Variants in EEIG1 observed in about 807,000 individuals in gnomAD.
EEIG1 encodes the protein early estrogen-induced gene 1 protein.
chr9:127,961,357 G>T, the EEIG1 span, among the ~76,000 whole-genome samples: 1 of 152,210 alleles, frequency 6.6e-6, no homozygotes, highest in Non-Finnish European at 1.5e-5. Flanking sequence ...CAGGCAGGGT[G>T]GGGTAAGGGA....
At chr9:127,943,447 C>T in the EEIG1 span, 5 of 592,104 alleles carry the variant, frequency 8.4e-6, no homozygotes, top group Non-Finnish European at 1.2e-5. Flanking sequence ...CCTGCAGAGC[C>T]CTTCCGGGCA....
the EEIG1 span, among the ~76,000 whole-genome samples, chr9:127,963,934 G>A: frequency 6.6e-6 from 1 of 152,216 alleles, no homozygotes; most frequent in South Asian, 2.1e-4. Context: ...CAGGCTGGGG[G>A]CAGGAGGCCG....
At chr9:127,943,103 G>C in the EEIG1 span, 1 of 1,219,678 alleles carries the variant, frequency 8.2e-7, no homozygotes, top group East Asian at 2.3e-5. Context: ...TGGCGCAGAG[G>C]TGATCTGAAG....
the EEIG1 span, among the ~76,000 whole-genome samples, chr9:127,947,013 C>T: frequency 6.6e-6 from 1 of 152,138 alleles, no homozygotes; most frequent in East Asian, 1.9e-4. Flanking sequence ...AGCCTCCTGT[C>T]CTGGCAACAC....
the EEIG1 span, among the ~76,000 whole-genome samples, chr9:127,954,871 C>G: frequency 6.6e-6 from 1 of 152,218 alleles, no homozygotes; most frequent in African/African-American, 2.4e-5. Context: ...AAATTCAGCA[C>G]CCCTCTACTG....
At chr9:127,955,347 G>A in the EEIG1 span, among the ~76,000 whole-genome samples, 110 of 152,336 alleles carry the variant, frequency 7.2e-4, no homozygotes, top group Middle Eastern at 3.4e-3. Flanking sequence ...CACCCTACCC[G>A]CCACTCGAGC....
chr9:127,977,400 G>A, the EEIG1 span, among the ~76,000 whole-genome samples: 138 of 152,378 alleles, frequency 9.1e-4, no homozygotes, highest in Non-Finnish European at 1.6e-3. Flanking sequence ...GCAATGGAAA[G>A]GCCAACAGGT....
the EEIG1 span, among the ~76,000 whole-genome samples, chr9:127,961,279 C>A: frequency 3.7e-5 from 1 of 27,168 alleles, no homozygotes; most frequent in African/African-American, 6.8e-5. Flanking sequence ...CACCCCCAGG[C>A]AGGTGGCATG....
chr9:127,970,531 G>C, the EEIG1 span, among the ~76,000 whole-genome samples: 37 of 152,258 alleles, frequency 2.4e-4, no homozygotes, highest in African/African-American at 8.2e-4. Flanking sequence ...AGTATGCCTC[G>C]GGTTTTGTTT....
At chr9:127,958,210 A>G in the EEIG1 span, among the ~76,000 whole-genome samples, 2 of 152,208 alleles carry the variant, frequency 1.3e-5, no homozygotes, top group Non-Finnish European at 2.9e-5. Context: ...ATTAACTGAA[A>G]ATGGATCAAA....
chr9:127,977,445 C>G, the EEIG1 span, among the ~76,000 whole-genome samples: 11 of 152,220 alleles, frequency 7.2e-5, no homozygotes, highest in Non-Finnish European at 1.5e-5. Context: ...GGAGGCCAGG[C>G]AAGTCCTCAG....
At chr9:127,980,215 C>T in the EEIG1 span, 1 of 1,452,892 alleles carries the variant, frequency 6.9e-7, no homozygotes, top group South Asian at 1.3e-5. Context: ...TACACCACAC[C>T]CCCTCCTCAA....
At chr9:127,953,822 G>A in the EEIG1 span, 3 of 1,613,982 alleles carry the variant, frequency 1.9e-6, no homozygotes, top group Non-Finnish European at 8.5e-7. Flanking sequence ...ACAGACACAC[G>A]GAAGACACAG....
At chr9:127,978,602 C>CG in the EEIG1 span, among the ~76,000 whole-genome samples, 9 of 144,886 alleles carry the variant, frequency 6.2e-5, no homozygotes, top group Admixed American at 6.4e-4. Context: ...GGCCAGGGGG[C>CG]GGGGTGCGGG....
At chr9:127,951,901 A>G in the EEIG1 span, among the ~76,000 whole-genome samples, 5 of 152,096 alleles carry the variant, frequency 3.3e-5, no homozygotes, top group Non-Finnish European at 2.9e-5. Flanking sequence ...AACCCAACAG[A>G]GACAGGACTG....
At chr9:127,968,793 T>C in the EEIG1 span, among the ~76,000 whole-genome samples, 1 of 152,166 alleles carries the variant, frequency 6.6e-6, no homozygotes, top group East Asian at 1.9e-4. Context: ...CCTGTTTTCC[T>C]AGCTGTCTTC....
the EEIG1 span, chr9:127,947,924 G>T: frequency 3.3e-6 from 3 of 898,418 alleles, no homozygotes; most frequent in African/African-American, 3.3e-5. Flanking sequence ...AAGGTGATCA[G>T]GTCTCATCAG....
the EEIG1 span, chr9:127,948,050 C>T: frequency 6.8e-3 from 10,906 of 1,600,052 alleles, 124 homozygotes; most frequent in South Asian, 0.018. Context: ...AGGGGAGGGG[C>T]GGACAGATGA....
chr9:127,973,744 C>T, the EEIG1 span, among the ~76,000 whole-genome samples: 1 of 152,320 alleles, frequency 6.6e-6, no homozygotes, highest in Non-Finnish European at 1.5e-5. This position sits in a 1 kb window ranked among gnomAD's most constrained non-coding sequence, Gnocchi z 4.2. Flanking sequence ...GCCCTGCCCA[C>T]TTCTGCCAGC....
Sources: gnomAD v4.1 joint callset for allele counts (sites outside exome capture counted in the v4.1 genomes callset) on GRCh38, gnomAD v4.1.1 for gene constraint, Gnocchi (gnomAD v3.1) non-coding constraint, MANE v1.5 for transcripts, NCBI Gene and HGNC (gene_info 2026-07-23, HGNC 2026-07-21) for gene names.